The following TEAD1 variants were observed in gnomAD, a reference collection of about 807,000 sequenced individuals.
TEAD1 encodes the protein transcriptional enhancer factor TEF-1.
A neutral mutation model predicts 54.9 loss-of-function variants in TEAD1; 9 were observed. That is an observed-to-expected ratio of 0.16 (90% confidence interval 0.10 to 0.29). The LOEUF is 0.29. TEAD1 is among the 10% of genes least tolerant of loss of function. The probability of loss-of-function intolerance (pLI) is 1.00; values close to 1 mark genes in which losing one functional copy is unlikely to be tolerated. For missense variants in TEAD1, 387 were observed against 535.9 expected (o/e 0.72, Z 2.74); for synonymous variants, 200 against 187.8 (o/e 1.07, Z -0.53).
intron 2 of TEAD1, among the ~76,000 whole-genome samples, chr11:12,681,290 G>A (rs545223490): frequency 6.6e-5 from 10 of 152,282 alleles, no homozygotes; most frequent in Admixed American, 2.0e-4. Flanking sequence ...GAAGGAGTAA[G>A]TTTGATACTG....
chr11:12,837,919 C>G (rs565296471), intron 3 of TEAD1, among the ~76,000 whole-genome samples: 3 of 151,794 alleles, frequency 2.0e-5, no homozygotes, highest in East Asian at 3.9e-4. Context: ...TCTCCTGCCT[C>G]AGCCTCCCAA....
At chr11:12,691,965 A>G (rs1435019483) in intron 2 of TEAD1, among the ~76,000 whole-genome samples, 1 of 152,190 alleles carries the variant, frequency 6.6e-6, no homozygotes, top group Non-Finnish European at 1.5e-5. Context: ...ATTTATCACT[A>G]GTCTATTATT....
intron 2 of TEAD1, among the ~76,000 whole-genome samples, chr11:12,691,927 T>G (rs1467446465): frequency 1.3e-5 from 2 of 152,196 alleles, no homozygotes; most frequent in African/African-American, 4.8e-5. Context: ...TAAAATAGAA[T>G]GTATTTAATG....
At chr11:12,852,054 A>G (rs930897508) in intron 3 of TEAD1, among the ~76,000 whole-genome samples, 1 of 152,206 alleles carries the variant, frequency 6.6e-6, no homozygotes, top group Non-Finnish European at 1.5e-5. Context: ...CAGGTAGGGT[A>G]TACAGGAATG....
At chr11:12,770,087 T>C (rs1945285111) in intron 3 of TEAD1, among the ~76,000 whole-genome samples, 1 of 152,170 alleles carries the variant, frequency 6.6e-6, no homozygotes, top group Admixed American at 6.5e-5. Context: ...TAGAAAAGAT[T>C]TCTGCACAAA....
intron 2 of TEAD1, among the ~76,000 whole-genome samples, chr11:12,706,054 T>C (rs986729266): frequency 6.6e-6 from 1 of 152,208 alleles, no homozygotes; most frequent in Non-Finnish European, 1.5e-5. Context: ...TGTTAGAGTA[T>C]CAATGATGAA....
intron 9 of TEAD1, among the ~76,000 whole-genome samples, chr11:12,886,907 A>G (rs1028466641): frequency 2.0e-5 from 3 of 152,148 alleles, no homozygotes; most frequent in Non-Finnish European, 4.4e-5. Context: ...TTATGATACT[A>G]AGTGATGTGC....
intron 2 of TEAD1, among the ~76,000 whole-genome samples, chr11:12,675,808 C>A (rs1369300387): frequency 6.6e-6 from 1 of 152,208 alleles, no homozygotes; most frequent in Non-Finnish European, 1.5e-5. Flanking sequence ...CACACCTCCC[C>A]TCTCATGAAA....
At chr11:12,681,742 C>T (rs2133811642) in intron 2 of TEAD1, among the ~76,000 whole-genome samples, 1 of 152,350 alleles carries the variant, frequency 6.6e-6, no homozygotes, top group South Asian at 2.1e-4. Flanking sequence ...GAAGCTAGGG[C>T]GAGGCTGTCT....
chr11:12,840,426 T>A (rs1009626289), intron 3 of TEAD1, among the ~76,000 whole-genome samples: 1 of 152,088 alleles, frequency 6.6e-6, no homozygotes, highest in African/African-American at 2.4e-5. Context: ...TTCAGTGTTG[T>A]GCTGGTAAAT....
intron 2 of TEAD1, among the ~76,000 whole-genome samples, chr11:12,711,746 G>C (rs1215582733): frequency 6.6e-6 from 1 of 152,178 alleles, no homozygotes; most frequent in Non-Finnish European, 1.5e-5. Flanking sequence ...TAACGTGGAA[G>C]GTGACTGATG....
At chr11:12,785,215 A>C (rs540155370) in intron 3 of TEAD1, among the ~76,000 whole-genome samples, 2 of 152,124 alleles carry the variant, frequency 1.3e-5, no homozygotes, top group Non-Finnish European at 1.5e-5. Context: ...TAGGACAAGT[A>C]ACTTCCCAGC....
At chr11:12,791,910 C>T (rs933755572) in intron 3 of TEAD1, among the ~76,000 whole-genome samples, 5 of 152,158 alleles carry the variant, frequency 3.3e-5, no homozygotes, top group African/African-American at 1.2e-4. Flanking sequence ...ACCAAAACAT[C>T]TAAATGCACC....
rs117583483 is a variant in TEAD1 at position 12,926,563 on chromosome 11, C to T, written c.1014+1511C>T. Among the ~76,000 whole-genome samples the T allele has an allele frequency of 5.3e-4, 81 of 152,144 alleles. No individual in the cohort carries two copies. The East Asian group carries it at 9.7e-3, about 18-fold the overall frequency. On this transcript the variant is annotated intron_variant, in intron 11 of 12. Coordinates refer to ENST00000527636, the MANE Select transcript of TEAD1 (RefSeq NM_021961.6). ...AATAAGGTGTTCAAGAGGAAATAGG[C>T]AATGATTATAGATGCAAGACTAGAA...
intron 10 of TEAD1, among the ~76,000 whole-genome samples, chr11:12,915,870 A>AT (rs1424272646): frequency 1.6e-4 from 25 of 152,218 alleles, no homozygotes; most frequent in African/African-American, 5.8e-4. Flanking sequence ...CCATGAATAA[A>AT]TGGGCTTACT....
intron 2 of TEAD1, among the ~76,000 whole-genome samples, chr11:12,700,258 CTTCA>C (rs1943669606): frequency 1.3e-5 from 2 of 152,180 alleles, no homozygotes; most frequent in South Asian, 4.2e-4. Context: ...GGAATGGAAT[CTTCA>C]TTCATTTTTA....
chr11:12,932,156 T>G (rs563260729), intron 12 of TEAD1, among the ~76,000 whole-genome samples: 8 of 152,350 alleles, frequency 5.3e-5, no homozygotes, highest in African/African-American at 1.7e-4. Context: ...CAGGGGAAGT[T>G]TGGAATACAT....
intron 3 of TEAD1, among the ~76,000 whole-genome samples, chr11:12,815,400 G>A (rs891434915): frequency 2.6e-5 from 4 of 151,744 alleles, no homozygotes; most frequent in African/African-American, 7.3e-5. Flanking sequence ...TATTTTATTC[G>A]TACTTGATTG....
intron 3 of TEAD1, among the ~76,000 whole-genome samples, chr11:12,839,781 A>T (rs946825034): frequency 5.3e-5 from 8 of 152,174 alleles, no homozygotes; most frequent in Admixed American, 2.0e-4. Flanking sequence ...GCAGGCAGCA[A>T]CAAGAGTTGG....
Sources: gnomAD v4.1 joint callset for allele counts (sites outside exome capture counted in the v4.1 genomes callset) on GRCh38, gnomAD v4.1.1 for gene constraint, MANE v1.5 for transcripts, NCBI Gene and HGNC (gene_info 2026-07-23, HGNC 2026-07-21) for gene names.